Variants in FAM135B observed in about 807,000 individuals in gnomAD.
FAM135B encodes family with sequence similarity 135 member B, also known as protein FAM135B.
In FAM135B, 43 loss-of-function variants were observed where a neutral mutation model predicts 127.7. The ratio of observed to expected loss-of-function variants is 0.34; its 90% CI spans 0.26 to 0.43. The LOEUF (loss-of-function observed/expected upper bound fraction) is 0.43. Among genes scored for constraint, FAM135B ranks in the 20% least tolerant of loss-of-function variants. The probability of loss-of-function intolerance (pLI) is 1.00; values close to 1 mark genes in which losing one functional copy is unlikely to be tolerated. For missense variants in FAM135B, 1,558 were observed against 1,725.6 expected, an observed-to-expected ratio of 0.90 and a Z score of 1.72; for synonymous variants, 670 against 665.1, an observed-to-expected ratio of 1.01 and a Z score of -0.11.
At chr8:138,493,588 T>C (rs1815281170) in intron 1 of FAM135B, among the ~76,000 whole-genome samples, 1 of 152,232 alleles carries the variant, frequency 6.6e-6, no homozygotes, top group Non-Finnish European at 1.5e-5. Flanking sequence ...ATAAGGCAGA[T>C]GGCTGGGGGA....
chr8:138,372,175 A>T (rs16908983), intron 1 of FAM135B, among the ~76,000 whole-genome samples: 1 of 152,224 alleles, frequency 6.6e-6, no homozygotes, highest in East Asian at 1.9e-4. Context: ...GAGTAACCAC[A>T]GCAGGTCATC....
chr8:138,334,519 T>C (rs1266632486), intron 2 of FAM135B, among the ~76,000 whole-genome samples: 2 of 152,192 alleles, frequency 1.3e-5, no homozygotes, highest in African/African-American at 4.8e-5. Flanking sequence ...CATTAGTTAT[T>C]TTTCCTGATA....
intron 1 of FAM135B, among the ~76,000 whole-genome samples, chr8:138,372,837 G>T (rs77822499): frequency 0.046 from 6,929 of 152,104 alleles, 288 homozygotes; most frequent in East Asian, 0.17. Context: ...CCTGCCCTGT[G>T]CTGGGAGCTT....
intron 1 of FAM135B, among the ~76,000 whole-genome samples, chr8:138,446,902 C>G (rs987018792): frequency 1.2e-4 from 18 of 152,056 alleles, no homozygotes; most frequent in African/African-American, 4.1e-4. Context: ...TTGCAATCTA[C>G]TCATCTGACA....
rs551012033 is a variant in FAM135B at position 138,487,636 on chromosome 8, G to T, written c.-20+9035C>A. The stretch of plus-strand genomic sequence containing the variant: ...CTCATCCAAGCCCTAGGTGTGTGTG[G>T]GGGTGGGGGCGGGGCAGGGGCTGGG... On this transcript the variant is annotated intron_variant, in intron 1 of 19. Transcript: ENST00000395297. 4.0e-3 allele frequency among the ~76,000 whole-genome samples: 599 copies of T among 148,402 alleles called. 6 individuals are homozygous for T. The highest frequency in any genetic ancestry group is 0.014 in the African/African-American group (568 of 39,242).
chr8:138,159,632 A>T (rs929730851), intron 12 of FAM135B, among the ~76,000 whole-genome samples: 1 of 151,782 alleles, frequency 6.6e-6, no homozygotes, highest in African/African-American at 2.4e-5. Context: ...GAGGGATAGC[A>T]TTAGGCAATA....
chr8:138,457,097 A>G (rs1808710924), intron 1 of FAM135B, among the ~76,000 whole-genome samples: 1 of 113,602 alleles, frequency 8.8e-6, no homozygotes, highest in South Asian at 3.7e-4. Flanking sequence ...GCCTCTAGAA[A>G]AGAGAAGGGA....
At chr8:138,180,371 C>T (rs542879448) in intron 9 of FAM135B, among the ~76,000 whole-genome samples, 5 of 152,302 alleles carry the variant, frequency 3.3e-5, no homozygotes, top group South Asian at 4.1e-4. Context: ...AAAAGTGCCG[C>T]GGAGCTTTCT....
At chr8:138,300,743 AC>A (rs1825822116) in intron 3 of FAM135B, among the ~76,000 whole-genome samples, 4 of 96,044 alleles carry the variant, frequency 4.2e-5, no homozygotes, top group African/African-American at 1.2e-4. Flanking sequence ...CATTTTATCC[AC>A]TTTTTTTTTT....
intron 9 of FAM135B, among the ~76,000 whole-genome samples, chr8:138,184,669 T>C (rs979791815): frequency 2.6e-5 from 4 of 152,216 alleles, no homozygotes; most frequent in South Asian, 2.1e-4. Context: ...AGAGAAGAGT[T>C]GAACCCTGTG....
intron 2 of FAM135B, among the ~76,000 whole-genome samples, chr8:138,362,501 TGAA>T (rs1830494245): frequency 6.6e-6 from 1 of 152,118 alleles, no homozygotes; most frequent in Admixed American, 6.5e-5. Context: ...TTCTAAGATG[TGAA>T]GAAGATGTTG....
intron 12 of FAM135B, among the ~76,000 whole-genome samples, chr8:138,154,505 G>A (rs1423719223): frequency 6.6e-6 from 1 of 152,060 alleles, no homozygotes; most frequent in African/African-American, 2.4e-5. Flanking sequence ...CAGGCCAAAG[G>A]AGGATGTTCA....
intron 7 of FAM135B, among the ~76,000 whole-genome samples, chr8:138,220,820 T>C (rs1312465917): frequency 6.6e-6 from 1 of 152,168 alleles, no homozygotes; most frequent in Non-Finnish European, 1.5e-5. Flanking sequence ...TGCACATATA[T>C]AAATGTTCAA....
At chr8:138,137,958 T>A (rs1475715505) in intron 18 of FAM135B, among the ~76,000 whole-genome samples, 2 of 152,188 alleles carry the variant, frequency 1.3e-5, no homozygotes, top group Non-Finnish European at 2.9e-5. Flanking sequence ...GGCTGTCAGC[T>A]CTTAGCTATG....
intron 1 of FAM135B, among the ~76,000 whole-genome samples, chr8:138,456,297 A>G (rs919818095): frequency 2.0e-5 from 3 of 152,226 alleles, no homozygotes; most frequent in Non-Finnish European, 4.4e-5. Context: ...ATGAACTAAG[A>G]GCTAATTGCA....
intron 1 of FAM135B, among the ~76,000 whole-genome samples, chr8:138,430,050 C>T (rs1441700916): frequency 6.6e-6 from 1 of 152,166 alleles, no homozygotes; most frequent in Non-Finnish European, 1.5e-5. Flanking sequence ...TCAGCCAACG[C>T]AGCACTTTCT....
chr8:138,288,577 A>C (rs1383764330), intron 3 of FAM135B, among the ~76,000 whole-genome samples: 1 of 152,138 alleles, frequency 6.6e-6, no homozygotes, highest in African/African-American at 2.4e-5. Context: ...AAGAGAAAGC[A>C]GGAGATGTTG....
chr8:138,231,512 A>T (rs6577895), intron 7 of FAM135B, among the ~76,000 whole-genome samples: 36,592 of 151,850 alleles, frequency 0.24, 5,034 homozygotes, highest in African/African-American at 0.35. Flanking sequence ...CTAATATAAC[A>T]TTTTATTAAG....
chr8:138,264,962 T>TACAC (rs2130620723), intron 4 of FAM135B, among the ~76,000 whole-genome samples: 1 of 152,326 alleles, frequency 6.6e-6, no homozygotes, highest in East Asian at 1.9e-4. Flanking sequence ...TGGCAACAGG[T>TACAC]ACACTTCAGT....
Sources: gnomAD v4.1 joint callset for allele counts (sites outside exome capture counted in the v4.1 genomes callset) on GRCh38, gnomAD v4.1.1 for gene constraint, MANE v1.5 for transcripts, NCBI Gene and HGNC (gene_info 2026-07-23, HGNC 2026-07-21) for gene names.